Variants in ANKMY1 observed in about 807,000 individuals in gnomAD.
ANKMY1 encodes the protein ankyrin repeat and MYND domain containing 1, also known as ankyrin repeat and MYND domain-containing protein 1.
In ANKMY1, 98 loss-of-function variants were observed where a neutral mutation model predicts 102.0. That is an observed-to-expected ratio of 0.96 (90% confidence interval 0.82 to 1.14). The LOEUF (loss-of-function observed/expected upper bound fraction) is 1.14, where lower values mean the gene tolerates loss of function less well. Ranked by LOEUF, ANKMY1 falls within the 50% of genes most tolerant of loss-of-function variation. The pLI is 0.00. For synonymous variants in ANKMY1, 582 were observed against 559.9 expected (o/e 1.04, Z -0.56); for missense variants, 1,330 against 1,347.6 (o/e 0.99, Z 0.20).
chr2:240,498,759 T>G (rs1167444179), intron 15 of ANKMY1, among the ~76,000 whole-genome samples: 1 of 151,960 alleles, frequency 6.6e-6, no homozygotes, highest in African/African-American at 2.4e-5. Context: ...CCCTCATGAG[T>G]AGCTTAGTGC....
At position 240,499,895 on chromosome 2, in the gene ANKMY1, GC is replaced by G; in HGVS notation, c.2806+62del. 6.6e-7 allele frequency: 1 copy of G among 1,525,454 alleles called. No homozygotes were observed. The highest frequency in any genetic ancestry group is 8.9e-7 in the Non-Finnish European group (1 of 1,129,614). 94.5% of individuals were successfully genotyped at this position (1,525,454 alleles called of 1,614,324 possible). On this transcript the variant is annotated intron_variant, in intron 15 of 17. Coordinates refer to ENST00000401804, the MANE Select transcript of ANKMY1 (RefSeq NM_001282771.3). The surrounding 1 kb of genome is among the most constrained non-coding windows in gnomAD (Gnocchi z 4.2). ...GGGGTCCAGATCTCCAGGGATAACA[GC>G]CCCAGGCACGAGGCCGGAACGCCGC...
upstream of ANKMY1, chr2:240,560,580 G>T (rs936655776): frequency 5.3e-6 from 7 of 1,316,608 alleles, no homozygotes; most frequent in East Asian, 6.3e-5. Flanking sequence ...AGGACCCGGG[G>T]GCGCCCGGCG....
chr2:240,497,530 T>C (rs2077421097), intron 15 of ANKMY1, among the ~76,000 whole-genome samples: 1 of 152,230 alleles, frequency 6.6e-6, no homozygotes, highest in South Asian at 2.1e-4. Context: ...GAATAAATGT[T>C]TCTTTGTATG....
intron 13 of ANKMY1, among the ~76,000 whole-genome samples, chr2:240,501,286 G>C (rs1458961208): frequency 6.6e-6 from 1 of 152,186 alleles, no homozygotes; most frequent in Non-Finnish European, 1.5e-5. Context: ...TTGTGAGTGA[G>C]TGCAAGTATG....
intron 13 of ANKMY1, among the ~76,000 whole-genome samples, chr2:240,501,072 G>T (rs1181901532): frequency 6.6e-6 from 1 of 152,120 alleles, no homozygotes; most frequent in African/African-American, 2.4e-5. Context: ...GTGTTCATGG[G>T]TGGCTGGGTG....
chr2:240,517,937 T>C (rs1282147511), intron 9 of ANKMY1, among the ~76,000 whole-genome samples: 5 of 152,166 alleles, frequency 3.3e-5, no homozygotes, highest in Admixed American at 2.6e-4. Context: ...AAAGAAAGAT[T>C]GCATTTTAGA....
rs1402830567 is a variant in ANKMY1, at chr2:240,524,306, C to T, written c.1411G>A (p.Glu471Lys). 5.6e-6 allele frequency: 9 copies of T among 1,613,782 alleles called. No individual in the cohort carries two copies. The highest frequency in any genetic ancestry group is 1.7e-5 in the Admixed American group (1 of 60,028). The change falls in exon 8 of 18, where the codon GAG becomes AAG. Residue 471 changes from glutamate (E) to lysine (K), a missense_variant. By Grantham distance (56) the Glu-to-Lys change is moderately conservative (BLOSUM62 1). Transcript: ENST00000401804. Reference protein sequence around the residue: ...MDTNLESLYYEVNVPSQGSYE... With the variant: ...MDTNLESLYYKVNVPSQGSYE... ...CTACCCTGGGAAGGCACGTTCACCT[C>T]ATAGTACAGAGACTCCAGGTTTGTG...
chr2:240,522,086 T>C (rs1029127204), intron 8 of ANKMY1: 4 of 152,232 alleles, frequency 2.6e-5, no homozygotes, highest in Non-Finnish European at 5.9e-5. Context: ...CACATCCTGC[T>C]GACTGGTCCA....
intron 4 of ANKMY1, among the ~76,000 whole-genome samples, chr2:240,535,161 CA>C (rs1308731231): frequency 6.6e-6 from 1 of 152,164 alleles, no homozygotes; most frequent in East Asian, 1.9e-4. Flanking sequence ...AACATGTGCC[CA>C]AGGTGGTTGG....
At chr2:240,493,449 T>A (rs1055262721) in intron 15 of ANKMY1, among the ~76,000 whole-genome samples, 1 of 152,248 alleles carries the variant, frequency 6.6e-6, no homozygotes, top group Non-Finnish European at 1.5e-5. Context: ...GTATGCCCTC[T>A]TTAACAGTTG....
downstream of ANKMY1, among the ~76,000 whole-genome samples, chr2:240,478,459 A>G (rs980822855): frequency 5.3e-5 from 8 of 151,830 alleles, no homozygotes; most frequent in African/African-American, 1.9e-4. Flanking sequence ...AGCATCCCAG[A>G]CCCCCCTGAG....
chr2:240,540,343 T>C (rs529644255), intron 4 of ANKMY1, among the ~76,000 whole-genome samples: 7 of 152,340 alleles, frequency 4.6e-5, no homozygotes, highest in Admixed American at 1.3e-4. Flanking sequence ...CCCTGAGCCA[T>C]GGTCATGAAA....
Position 240,529,342 on chromosome 2 carries a change from G to A in ANKMY1, c.648C>T (p.His216=), listed in dbSNP as rs772883405. ...RYPEFSSFIT[H]SPARISLSEE... ...CTGAGAGGCTGATCCTGGCAGGGCT[G>A]TGGGTGATGAAGCTGGAGAACTCAG... Residue 216 remains histidine, a synonymous_variant, in exon 5 of 18, where the codon CAC becomes CAT. Transcript: ENST00000401804. This position sits in a 1 kb window ranked among gnomAD's most constrained non-coding sequence, Gnocchi z 4.2. 1 of 1,614,210 alleles carries A rather than the reference G, an allele frequency of 6.2e-7. No homozygotes were observed. Among genetic ancestry groups the A allele is most frequent in the Admixed American group, 1.7e-5 (1 of 60,026 alleles).
At chr2:240,487,029 T>G (rs2076135443) in intron 15 of ANKMY1, among the ~76,000 whole-genome samples, 3 of 152,242 alleles carry the variant, frequency 2.0e-5, no homozygotes, top group Admixed American at 2.0e-4. Flanking sequence ...ACATTTTTGT[T>G]AAGTATAGTA....
At chr2:240,525,211 C>A (rs2083110799) in intron 7 of ANKMY1, among the ~76,000 whole-genome samples, 1 of 152,264 alleles carries the variant, frequency 6.6e-6, no homozygotes, top group Non-Finnish European at 1.5e-5. Flanking sequence ...GAGCTTCCAG[C>A]TCCTCAGCTG....
At chr2:240,560,790 G>C, upstream of ANKMY1, 1 of 1,455,008 alleles carries the variant, frequency 6.9e-7, no homozygotes, top group South Asian at 1.3e-5. Context: ...AGCCGCGGGC[G>C]CGGAGGAGCA....
chr2:240,559,124 G>A (rs1452210224), upstream of ANKMY1, among the ~76,000 whole-genome samples: 1 of 152,124 alleles, frequency 6.6e-6, no homozygotes, highest in Non-Finnish European at 1.5e-5. Context: ...ACAGAGGCTG[G>A]CCCAGACTAA....
chr2:240,533,043 T>G (rs4605371), intron 4 of ANKMY1, among the ~76,000 whole-genome samples: 7 of 152,184 alleles, frequency 4.6e-5, no homozygotes, highest in African/African-American at 1.7e-4. Flanking sequence ...AGTAGCAGCA[T>G]AGAATTCAAA....
rs1022303178 is a variant in ANKMY1 at position 240,546,697 on chromosome 2, C to A, written c.480+6217G>T. Among the ~76,000 whole-genome samples, 4 of 152,186 alleles carry A rather than the reference C, an allele frequency of 2.6e-5. 1 individual carries two copies. Among genetic ancestry groups the A allele is most frequent in the African/African-American group, 7.2e-5 (3 of 41,500 alleles). On this transcript the variant is annotated intron_variant, in intron 4 of 17. Transcript: ENST00000401804. Reference sequence around the variant, plus strand: ...CAAGCAAATGGAAAACAAAAAAAGGCAGGGGTTGCAATACTAGTCTCTGAT... The same window carrying A: ...CAAGCAAATGGAAAACAAAAAAAGGAAGGGGTTGCAATACTAGTCTCTGAT...
Sources: allele counts gnomAD v4.1 joint callset (sites outside exome capture counted in the v4.1 genomes callset), GRCh38; gene constraint gnomAD v4.1.1; non-coding constraint Gnocchi (gnomAD v3.1); transcripts MANE v1.5; gene names NCBI Gene and HGNC (gene_info 2026-07-23, HGNC 2026-07-21).